LINGO2: variants seen among roughly 807,000 people sequenced by gnomAD.
LINGO2 encodes the protein leucine-rich repeat and immunoglobulin-like domain-containing nogo receptor-interacting protein 2.
Under a neutral mutation model 30.6 loss-of-function variants are expected in LINGO2, and 14 were observed. That is an observed-to-expected ratio of 0.46 (90% CI 0.30 to 0.72). LINGO2 has a LOEUF of 0.72. Ranked by LOEUF, LINGO2 falls within the 30% of genes least tolerant of loss-of-function variation. LINGO2 has a pLI of 0.07. For missense variants in LINGO2, 729 were observed against 751.7 expected, an observed-to-expected ratio of 0.97 and a Z score of 0.35; for synonymous variants, 317 against 288.5, an observed-to-expected ratio of 1.10 and a Z score of -1.00.
the LINGO2 span, among the ~76,000 whole-genome samples, chr9:29,154,944 C>T: frequency 6.6e-6 from 1 of 152,192 alleles, no homozygotes; most frequent in Non-Finnish European, 1.5e-5. Context: ...GGGCCATTCA[C>T]CCCATTCCAC....
At chr9:29,092,716 A>G in the LINGO2 span, among the ~76,000 whole-genome samples, 2 of 137,250 alleles carry the variant, frequency 1.5e-5, no homozygotes, top group African/African-American at 5.5e-5. Context: ...TAGCATTTAA[A>G]GTTCAAAGTG....
intron 1 of LINGO2, among the ~76,000 whole-genome samples, chr9:28,514,632 T>C (rs368857316): frequency 6.6e-6 from 1 of 152,120 alleles, no homozygotes; most frequent in African/African-American, 2.4e-5. Flanking sequence ...TAAGAAAAAT[T>C]AGAGGCTAGT....
At chr9:29,125,023 A>G in the LINGO2 span, among the ~76,000 whole-genome samples, 8 of 152,194 alleles carry the variant, frequency 5.3e-5, no homozygotes, top group African/African-American at 4.8e-5. Flanking sequence ...ATATCCATCA[A>G]TGATAGACTG....
intron 1 of LINGO2, among the ~76,000 whole-genome samples, chr9:28,490,060 A>C (rs569991649): frequency 3.5e-4 from 54 of 152,272 alleles, no homozygotes; most frequent in Non-Finnish European, 5.9e-4. Context: ...TGCTAGACTC[A>C]GTCTTGGCAT....
chr9:28,353,768 G>T (rs1379497813), intron 3 of LINGO2, among the ~76,000 whole-genome samples: 1 of 152,058 alleles, frequency 6.6e-6, no homozygotes, highest in Non-Finnish European at 1.5e-5. Flanking sequence ...GTCCAACAAT[G>T]ATAGACTGGA....
chr9:29,091,535 GC>G, the LINGO2 span, among the ~76,000 whole-genome samples: 1 of 151,990 alleles, frequency 6.6e-6, no homozygotes, highest in Non-Finnish European at 1.5e-5. Flanking sequence ...GCTCCTAGGA[GC>G]CTTTTAAGAT....
chr9:28,962,659 T>C, the LINGO2 span, among the ~76,000 whole-genome samples: 1 of 151,914 alleles, frequency 6.6e-6, no homozygotes, highest in Non-Finnish European at 1.5e-5. Context: ...TAAGTACCCA[T>C]ATACCAATAA....
intron 4 of LINGO2, among the ~76,000 whole-genome samples, chr9:28,284,173 C>A (rs991149127): frequency 1.3e-5 from 2 of 152,176 alleles, no homozygotes; most frequent in Non-Finnish European, 2.9e-5. Context: ...GCTTCCTCTG[C>A]ACCTCACTGA....
upstream of LINGO2, among the ~76,000 whole-genome samples, chr9:28,674,611 G>A (rs1829147789): frequency 1.3e-5 from 2 of 152,058 alleles, no homozygotes; most frequent in African/African-American, 2.4e-5. Flanking sequence ...TGGGGAAAAA[G>A]GGAGAATACT....
At chr9:28,285,622 G>T (rs1823481117) in intron 4 of LINGO2, among the ~76,000 whole-genome samples, 1 of 151,788 alleles carries the variant, frequency 6.6e-6, no homozygotes, top group Admixed American at 6.6e-5. Context: ...AGCCAGGATG[G>T]TCTCGATCTC....
intron 1 of LINGO2, among the ~76,000 whole-genome samples, chr9:28,494,212 T>C (rs951526475): frequency 2.6e-5 from 4 of 152,110 alleles, no homozygotes; most frequent in Non-Finnish European, 4.4e-5. Context: ...ACCTAATATT[T>C]AGGCTACTTT....
chr9:28,865,612 C>T, the LINGO2 span, among the ~76,000 whole-genome samples: 1 of 152,106 alleles, frequency 6.6e-6, no homozygotes, highest in Non-Finnish European at 1.5e-5. Context: ...GAAACACCGT[C>T]TCTACTAGAA....
At chr9:28,371,421 T>A (rs914346238) in intron 3 of LINGO2, among the ~76,000 whole-genome samples, 2 of 152,176 alleles carry the variant, frequency 1.3e-5, no homozygotes, top group Admixed American at 6.5e-5. Context: ...AAAGCCTGCT[T>A]CCTTAGAGAC....
the LINGO2 span, among the ~76,000 whole-genome samples, chr9:28,831,978 A>G: frequency 6.6e-6 from 1 of 152,194 alleles, no homozygotes; most frequent in Non-Finnish European, 1.5e-5. Flanking sequence ...ATTTGAACAG[A>G]TCATATAAAG....
the LINGO2 span, among the ~76,000 whole-genome samples, chr9:28,979,884 C>A: frequency 6.3e-4 from 95 of 151,966 alleles, no homozygotes; most frequent in African/African-American, 1.9e-3. Flanking sequence ...ATTATATTGC[C>A]GTTCAAATAA....
chr9:28,619,631 T>C (rs575089104), intron 1 of LINGO2, among the ~76,000 whole-genome samples: 129 of 152,248 alleles, frequency 8.5e-4, no homozygotes, highest in African/African-American at 2.9e-3. Context: ...TATGTGAGCT[T>C]AGGCTGATTT....
chr9:29,163,412 T>C, the LINGO2 span, among the ~76,000 whole-genome samples: 1 of 152,186 alleles, frequency 6.6e-6, no homozygotes, highest in Non-Finnish European at 1.5e-5. Flanking sequence ...CTTCTATGTG[T>C]ACATGCAGTT....
At chr9:28,962,441 T>C in the LINGO2 span, among the ~76,000 whole-genome samples, 1 of 152,104 alleles carries the variant, frequency 6.6e-6, no homozygotes, top group Non-Finnish European at 1.5e-5. Flanking sequence ...TTGCATTTAC[T>C]TTTTAAATGT....
intron 1 of LINGO2, among the ~76,000 whole-genome samples, chr9:28,634,488 T>G (rs1042204253): frequency 3.6e-5 from 5 of 140,586 alleles, no homozygotes; most frequent in African/African-American, 1.3e-4. Context: ...TTTTTTTCTT[T>G]TTTTTTTTTT....
Sources: allele counts gnomAD v4.1 joint callset (sites outside exome capture counted in the v4.1 genomes callset), GRCh38; gene constraint gnomAD v4.1.1; transcripts MANE v1.5; gene names NCBI Gene and HGNC (gene_info 2026-07-23, HGNC 2026-07-21).